SLITRK5: variants seen among roughly 807,000 people sequenced by gnomAD.
SLITRK5 encodes the protein SLIT and NTRK like family member 5, also known as SLIT and NTRK-like protein 5.
In SLITRK5, 23 loss-of-function variants were observed where a neutral mutation model predicts 56.2. The ratio of observed to expected loss-of-function variants is 0.41; its 90% CI spans 0.29 to 0.58. The LOEUF (loss-of-function observed/expected upper bound fraction) is 0.58, where lower values mean the gene tolerates loss of function less well. SLITRK5 is among the 20% of genes least tolerant of loss of function. SLITRK5 has a pLI of 0.30. For missense variants in SLITRK5, 1,289 were observed against 1,226.6 expected (o/e 1.05, Z -0.76); for synonymous variants, 637 against 531.8 (o/e 1.20, Z -2.72).
chr13:87,676,719 G>T lies in SLITRK5; in HGVS notation c.1331G>T (p.Arg444Leu). Residue 444 changes from arginine to leucine, a missense_variant, in exon 2 of 2, where the codon CGC becomes CTC. Physicochemically the swap from Arg to Leu is moderately radical, Grantham distance 102. Transcript: ENST00000683689. Reference protein sequence around the residue: ...GLDLLHLGNNRISMIQDRAFG... With the variant: ...GLDLLHLGNNLISMIQDRAFG... ...GACCTCCTGCACCTGGGGAATAACC[G>T]CATCTCGATGATCCAGGACCGCGCT... 1.2e-6 allele frequency: 2 copies of T among 1,614,022 alleles called. No homozygotes were observed. Among genetic ancestry groups the T allele is most frequent in the South Asian group, 1.1e-5 (1 of 91,086 alleles).
intron 1 of SLITRK5, chr13:87,673,522 A>C (rs1482051846): frequency 7.8e-7 from 1 of 1,277,258 alleles, no homozygotes; most frequent in South Asian, 1.2e-5. Flanking sequence ...AGGGGACCCA[A>C]CCTCGCTGAA....
In SLITRK5 at chr13:87,678,214, G is replaced by A. The variant is rs747858545; in HGVS notation, c.2826G>A (p.Glu942=). Residue 942 remains glutamate (E), a synonymous_variant, in exon 2 of 2, where the codon GAG becomes GAA. Transcript: ENST00000683689. ...AGTTAAAAGCAAAACTAAACGTTGAGCCGGACTACCTCGAAGTGCTGGAAA... is the reference window on the plus strand; with the variant it reads ...AGTTAAAAGCAAAACTAAACGTTGAACCGGACTACCTCGAAGTGCTGGAAA... ...YLELKAKLNV[E]PDYLEVLEKQ... The A allele has an allele frequency of 1.2e-6, 2 of 1,614,036 alleles. No homozygotes were observed. Among genetic ancestry groups the A allele is most frequent in the Non-Finnish European group, 1.7e-6 (2 of 1,180,036 alleles).
Position 87,677,403 on chromosome 13 carries a change from T to C in SLITRK5, c.2015T>C (p.Leu672Pro). Residue 672 changes from leucine (L) to proline (P), a missense_variant, in exon 2 of 2, where the codon CTG (leucine) becomes CCG (proline). Leu to Pro is a moderately conservative substitution (Grantham distance 98). This residue lies in a region of SLITRK5 where 985 missense variants were observed against 906.0 expected (regional missense o/e 1.09). Transcript: ENST00000683689. This position sits in a 1 kb window ranked among gnomAD's most constrained non-coding sequence, Gnocchi z 4.7. The stretch of plus-strand genomic sequence containing the variant: ...TCTGTGTTAATTCTCAGCCTCCTGC[T>C]GGTTTTCATCATGTCCGTCTTCGTG... Reference protein sequence around the residue: ...PLSVLILSLLLVFIMSVFVAA... With the variant: ...PLSVLILSLLPVFIMSVFVAA... The C allele has an allele frequency of 6.2e-7, 1 of 1,613,888 alleles. No individual in the cohort carries two copies. Among genetic ancestry groups the C allele is most frequent in the Non-Finnish European group, 8.5e-7 (1 of 1,179,996 alleles).
In SLITRK5 at chr13:87,676,454, A is replaced by G. The variant is rs751923614; in HGVS notation, c.1066A>G (p.Ser356Gly). The change falls in exon 2 of 2, where the codon AGC (serine) becomes GGC (glycine). Residue 356 changes from serine (S) to glycine (G), a missense_variant. Coordinates refer to ENST00000683689, the MANE Select transcript of SLITRK5 (RefSeq NM_001384609.1). ...GCAGCCCTCTAAGGACTTGGGCTACAGCAACTATGGCCCCAGCATCGCCTA... is the reference window on the plus strand; with the variant it reads ...GCAGCCCTCTAAGGACTTGGGCTACGGCAACTATGGCCCCAGCATCGCCTA... ...SRQPSKDLGY[S>G]NYGPSIAYQT... 10 of 1,613,944 alleles carry G rather than the reference A, an allele frequency of 6.2e-6. No homozygotes were observed. The Admixed American group carries it at 1.2e-4, about 19-fold the overall frequency.
At chr13:87,673,763 C>A (rs1167468990) in intron 1 of SLITRK5, among the ~76,000 whole-genome samples, 1 of 152,052 alleles carries the variant, frequency 6.6e-6, no homozygotes, top group Non-Finnish European at 1.5e-5. Flanking sequence ...CGTTTGAATG[C>A]AGGGGCGTTT....
chr13:87,674,003 C>A (rs1877160514), intron 1 of SLITRK5, among the ~76,000 whole-genome samples: 1 of 121,598 alleles, frequency 8.2e-6, no homozygotes, highest in Non-Finnish European at 1.6e-5. Context: ...CGCGCGCACA[C>A]ACAAACACAC....
In SLITRK5 at chr13:87,678,506, TGGA is replaced by T; in HGVS notation, c.*243_*245del. ...TCTCTTCTTGCGTGTGGGGCAGGTG[TGGA>T]GAAGGGCTTTAAGGAGGCCAATTTG... On this transcript the variant is annotated 3_prime_UTR_variant, in exon 2 of 2. Coordinates refer to ENST00000683689, the MANE Select transcript of SLITRK5 (RefSeq NM_001384609.1). 1.8e-6 allele frequency: 1 copy of T among 544,786 alleles called. No individual in the cohort carries two copies. Among genetic ancestry groups the T allele is most frequent in the Non-Finnish European group, 3.3e-6 (1 of 300,284 alleles). The allele number at this position is 544,786 out of a possible 1,614,324, so 33.7% of individuals were successfully genotyped here.
rs1389752307 is a variant in SLITRK5 at position 87,678,981 on chromosome 13, T to A, written c.*716T>A. ...AACTTATTGATGAAATATACAAATA[T>A]TTTATTGTAGCACCTATTTTTATAT... On this transcript the variant is annotated 3_prime_UTR_variant, in exon 2 of 2. Transcript: ENST00000683689. 1.9e-5 allele frequency: 3 copies of A among 153,876 alleles called. No individual in the cohort carries two copies. In the East Asian group the frequency reaches 1.4e-3, roughly 72 times the overall value. The allele number at this position is 153,876 out of a possible 1,614,324, so 9.5% of individuals were successfully genotyped here. A position where few individuals can be genotyped will look rare whatever the true frequency, so the allele number is the denominator to read the frequency against.
At position 87,671,409 on chromosome 13, in the gene SLITRK5, T is replaced by C. The variant is rs1877017135; in HGVS notation, c.-809T>C. ...TTCGCCCCGGGCCCATCATGTCTGCTGCAGCTTGGCTCGCACCAGAGGCGC... is the reference window on the plus strand; with the variant it reads ...TTCGCCCCGGGCCCATCATGTCTGCCGCAGCTTGGCTCGCACCAGAGGCGC... On this transcript the variant is annotated 5_prime_UTR_variant, in exon 1 of 2. Coordinates refer to ENST00000683689, the MANE Select transcript of SLITRK5 (RefSeq NM_001384609.1). The C allele has an allele frequency of 2.0e-5, 3 of 152,284 alleles. No homozygotes were observed. The highest frequency in any genetic ancestry group is 7.2e-5 in the African/African-American group (3 of 41,432). The allele number at this position is 152,284 out of a possible 1,614,324, so 9.4% of individuals were successfully genotyped here.
At position 87,677,396 on chromosome 13, in the gene SLITRK5, C is replaced by A. The variant is rs774115008; in HGVS notation, c.2008C>A (p.Leu670Ile). 1.2e-6 allele frequency: 2 copies of A among 1,613,922 alleles called. No individual in the cohort carries two copies. The highest frequency in any genetic ancestry group is 2.2e-5 in the South Asian group (2 of 91,074). The change falls in exon 2 of 2, where the codon CTC becomes ATC. Residue 670 changes from leucine (L) to isoleucine (I), a missense_variant. Leu to Ile is a conservative substitution (Grantham distance 5, BLOSUM62 2). Transcript: ENST00000683689. This position sits in a 1 kb window ranked among gnomAD's most constrained non-coding sequence, Gnocchi z 4.7. Reference protein sequence around the residue: ...SVPLSVLILSLLLVFIMSVFV... With the variant: ...SVPLSVLILSILLVFIMSVFV... ...GCCCTTGTCTGTGTTAATTCTCAGCCTCCTGCTGGTTTTCATCATGTCCGT... is the reference window on the plus strand; with the variant it reads ...GCCCTTGTCTGTGTTAATTCTCAGCATCCTGCTGGTTTTCATCATGTCCGT...
chr13:87,675,450 G>C lies in SLITRK5; in HGVS notation c.62G>C (p.Trp21Ser). 1 of 1,614,136 alleles carries C rather than the reference G, an allele frequency of 6.2e-7. No individual in the cohort carries two copies. Among genetic ancestry groups the C allele is most frequent in the Non-Finnish European group, 8.5e-7 (1 of 1,180,028 alleles). ...GACCTTCACAGAAAAATGCATAGCT[G>C]GATGCTGCAGACTCTAGCGTTTGCT... ...EQDLHRKMHS[W>S]MLQTLAFAVT... is the part of the protein sequence containing the mutation. Residue 21 changes from tryptophan to serine, a missense_variant, in exon 2 of 2, where the codon TGG (tryptophan) becomes TCG (serine). Physicochemically the swap from Trp to Ser is radical, Grantham distance 177. Coordinates refer to ENST00000683689, the MANE Select transcript of SLITRK5 (RefSeq NM_001384609.1).
At position 87,678,411 on chromosome 13, in the gene SLITRK5, C is replaced by G. The variant is rs1053348146; in HGVS notation, c.*146C>G. The G allele has an allele frequency of 2.7e-6, 2 of 749,386 alleles. No individual in the cohort carries two copies. Among genetic ancestry groups the G allele is most frequent in the East Asian group, 2.7e-5 (1 of 37,612 alleles). The allele number at this position is 749,386 out of a possible 1,614,324, so 46.4% of individuals were successfully genotyped here. ...GATTTCTCAGCTTCGGTGGAAGATA[C>G]GAAAAGGGTGTGCAATTTCCTTTAA... On this transcript the variant is annotated 3_prime_UTR_variant, in exon 2 of 2. Coordinates refer to ENST00000683689, the MANE Select transcript of SLITRK5 (RefSeq NM_001384609.1).
At chr13:87,674,868 T>C (rs1306582921) in intron 1 of SLITRK5, among the ~76,000 whole-genome samples, 4 of 150,472 alleles carry the variant, frequency 2.7e-5, no homozygotes, top group Non-Finnish European at 5.9e-5. Flanking sequence ...TGGTTTAAAA[T>C]ACCCCAAGTA....
intron 1 of SLITRK5, chr13:87,672,528 T>G (rs917890766): frequency 4.1e-5 from 6 of 145,854 alleles, no homozygotes; most frequent in East Asian, 2.2e-4. Context: ...ATCCCGCCGC[T>G]GCAGAACGCC....
chr13:87,673,139 G>A (rs1316668905), intron 1 of SLITRK5, among the ~76,000 whole-genome samples: 1 of 151,654 alleles, frequency 6.6e-6, no homozygotes, highest in African/African-American at 2.4e-5. Flanking sequence ...CGTACAGGGC[G>A]GTGATCCAGT....
Position 87,675,627 on chromosome 13 carries a change from G to A in SLITRK5, c.239G>A (p.Arg80His), listed in dbSNP as rs144076922. Reference sequence around the variant, plus strand: ...AGTCTCTCTGAAATTAGCCCTCCCCGTTTCCCAATCTACCACCTCTTGTTG... The same window carrying A: ...AGTCTCTCTGAAATTAGCCCTCCCCATTTCCCAATCTACCACCTCTTGTTG... ...IISLSEISPPRFPIYHLLLSG... is the reference protein window; with the variant it reads ...IISLSEISPPHFPIYHLLLSG... Residue 80 changes from arginine to histidine, a missense_variant, in exon 2 of 2, where the codon CGT becomes CAT. By Grantham distance (29) the Arg-to-His change is conservative (BLOSUM62 0). This residue lies in a region of SLITRK5 where 291 missense variants were observed against 286.7 expected (regional missense o/e 1.02). Transcript: ENST00000683689. The A allele has an allele frequency of 6.2e-6, 10 of 1,614,082 alleles. No individual in the cohort carries two copies. The highest frequency in any genetic ancestry group is 7.6e-6 in the Non-Finnish European group (9 of 1,180,006).
Position 87,676,662 on chromosome 13 carries a change from G to T in SLITRK5, c.1274G>T (p.Arg425Leu), listed in dbSNP as rs1162936391. Residue 425 changes from arginine to leucine, a missense_variant, in exon 2 of 2, where the codon CGC becomes CTC. By Grantham distance (102) the Arg-to-Leu change is moderately radical. Transcript: ENST00000683689. ...YLTENYIAVV[R>L]RTDFLEATGL... ...ACAGAGAACTACATCGCTGTCGTGC[G>T]CAGGACAGACTTCCTGGAGGCCACG... is the stretch of plus-strand genomic sequence containing the variant. The T allele has an allele frequency of 3.7e-6, 6 of 1,613,826 alleles. No individual in the cohort carries two copies. The African/African-American group carries it at 5.3e-5, about 14-fold the overall frequency.
At position 87,678,375 on chromosome 13, in the gene SLITRK5, C is replaced by T; in HGVS notation, c.*110C>T. 9.2e-7 allele frequency: 1 copy of T among 1,088,724 alleles called. No individual in the cohort carries two copies. The highest frequency in any genetic ancestry group is 1.3e-6 in the Non-Finnish European group (1 of 752,028). The allele number at this position is 1,088,724 out of a possible 1,614,324, so 67.4% of individuals were successfully genotyped here. On this transcript the variant is annotated 3_prime_UTR_variant, in exon 2 of 2. Transcript: ENST00000683689. The stretch of plus-strand genomic sequence containing the variant: ...TTGTTTCAACGTTTAGGGTGAAGTG[C>T]CTTGGCACGGGATTTCTCAGCTTCG...
rs1165914474 is a variant in SLITRK5, at chr13:87,672,210, G to A, written c.-9+1G>A. Among the ~76,000 whole-genome samples, 1 of 152,120 alleles carries A rather than the reference G, an allele frequency of 6.6e-6. No homozygotes were observed. The highest frequency in any genetic ancestry group is 1.5e-5 in the Non-Finnish European group (1 of 68,012). On this transcript the variant is annotated splice_donor_variant, in intron 1 of 1. Transcript: ENST00000683689. LOFTEE classifies it low-confidence loss of function (5UTR_SPLICE). ...GTTGCCCCCTATGCAGATGGCAACT[G>A]TGAGTACCCCTGTGGGGGGGAGGGT...
Sources: allele counts gnomAD v4.1 joint callset (sites outside exome capture counted in the v4.1 genomes callset), GRCh38; gene constraint gnomAD v4.1.1; regional missense constraint gnomAD v4.1.1; non-coding constraint Gnocchi (gnomAD v3.1); transcripts MANE v1.5; gene names NCBI Gene and HGNC (gene_info 2026-07-23, HGNC 2026-07-21).